HROB: variants seen among roughly 807,000 people sequenced by gnomAD.
The protein encoded by HROB is homologous recombination OB-fold protein.
A neutral mutation model predicts 61.0 loss-of-function variants in HROB; 44 were observed. That is an observed-to-expected ratio of 0.72 (90% CI 0.57 to 0.93). The LOEUF is 0.93. Ranked by LOEUF, HROB falls within the 40% of genes least tolerant of loss-of-function variation. HROB has a pLI of 0.00. For synonymous variants in HROB, 301 were observed against 310.4 expected, an observed-to-expected ratio of 0.97 and a Z score of 0.32; for missense variants, 716 against 796.2, an observed-to-expected ratio of 0.90 and a Z score of 1.21.
chr17:44,155,630 G>T (rs978717500), intron 8 of HROB, among the ~76,000 whole-genome samples: 52 of 152,300 alleles, frequency 3.4e-4, no homozygotes, highest in African/African-American at 1.2e-3. Context: ...TGGCTTCTTG[G>T]TGATCCCTGA....
At chr17:44,145,834 G>A (rs907262654) in intron 2 of HROB, among the ~76,000 whole-genome samples, 3 of 152,178 alleles carry the variant, frequency 2.0e-5, no homozygotes, top group Non-Finnish European at 4.4e-5. Flanking sequence ...CAGAATTTCT[G>A]GGAATGGCCC....
intron 5 of HROB, among the ~76,000 whole-genome samples, chr17:44,154,158 A>G (rs2053900239): frequency 6.6e-6 from 1 of 152,056 alleles, no homozygotes; most frequent in Admixed American, 6.6e-5. Flanking sequence ...CCTGGCCAAC[A>G]TGGTGAAACC....
chr17:44,161,822 G>A lies in HROB; in HGVS notation c.1880-49G>A, dbSNP rs199626437. On this transcript the variant is annotated intron_variant, in intron 9 of 9. Coordinates refer to ENST00000585683, the MANE Select transcript of HROB (RefSeq NM_001171251.3). The stretch of plus-strand genomic sequence containing the variant: ...CAGAAACTTTGGACCTGAGTCACAT[G>A]GAATGCTGATGTTGTCACTAAGGCT... 4.3e-5 allele frequency: 68 copies of A among 1,590,130 alleles called. No homozygotes were observed. In the East Asian group the frequency reaches 1.5e-3, roughly 36 times the overall value.
intron 8 of HROB, among the ~76,000 whole-genome samples, chr17:44,156,212 T>G (rs2053964688): frequency 6.6e-6 from 1 of 152,060 alleles, no homozygotes; most frequent in Non-Finnish European, 1.5e-5. Flanking sequence ...ATCACCCCAC[T>G]TCTAAACCCT....
intron 3 of HROB, among the ~76,000 whole-genome samples, chr17:44,149,963 C>T (rs1307037162): frequency 6.6e-6 from 1 of 152,104 alleles, no homozygotes; most frequent in Non-Finnish European, 1.5e-5. Context: ...TGTGGCGGAG[C>T]GGGCGCTGTG....
intron 9 of HROB, among the ~76,000 whole-genome samples, chr17:44,158,388 A>G (rs2054033024): frequency 6.6e-6 from 1 of 152,220 alleles, no homozygotes; most frequent in African/African-American, 2.4e-5. Flanking sequence ...AGAGGCCCAA[A>G]TGCAGACCCC....
intron 5 of HROB, 114 bp downstream of exon 5, chr17:44,152,891 A>G: frequency 7.6e-7 from 1 of 1,314,792 alleles, no homozygotes; most frequent in Non-Finnish European, 1.0e-6. Flanking sequence ...ACCCTATACA[A>G]GTAGCAGCAC....
At chr17:44,145,113 G>T in intron 1 of HROB, 90 bp from the exon 2 acceptor site, 1 of 1,353,978 alleles carries the variant, frequency 7.4e-7, no homozygotes, top group Admixed American at 1.7e-5. Flanking sequence ...ATACCTGATG[G>T]TATTGTTAGT....
intron 2 of HROB, 25 bp downstream of exon 2, chr17:44,145,278 G>A (rs776306997): frequency 2.5e-6 from 4 of 1,613,212 alleles, no homozygotes; most frequent in Non-Finnish European, 3.4e-6. Flanking sequence ...ATGATCAGAG[G>A]TGGCAGACGA....
Position 44,149,020 on chromosome 17 carries a change from C to T in HROB, c.1217C>T (p.Pro406Leu). 1 of 1,613,212 alleles carries T rather than the reference C, an allele frequency of 6.2e-7. No individual in the cohort carries two copies. The highest frequency in any genetic ancestry group is 8.5e-7 in the Non-Finnish European group (1 of 1,179,438). ...RRFPGPAGIL[P>L]HQQSGRSLED... ...TTCCCTGGCCCAGCTGGGATCCTGC[C>T]TCACCAGGTGAGTGAGCTGGCTTTC... The change falls in exon 3 of 10, where the codon CCT becomes CTT. Residue 406 changes from proline to leucine, a missense_variant. Transcript: ENST00000585683.
Position 44,148,943 on chromosome 17 carries a change from C to T in HROB, c.1140C>T (p.Ser380=), listed in dbSNP as rs761458669. ...NHLVQLVTAA[S]RTPQQPTHPS... is the part of the protein sequence containing the mutation. ...TGGTGCAGCTAGTCACTGCTGCCAG[C>T]CGGACACCCCAGCAGCCCACCCATC... Residue 380 remains serine (S), a synonymous_variant, in exon 3 of 10, where the codon AGC becomes AGT. Transcript: ENST00000585683. 53 of 1,614,014 alleles carry T rather than the reference C, an allele frequency of 3.3e-5. No individual in the cohort carries two copies. The South Asian group carries it at 5.5e-4, about 17-fold the overall frequency.
In HROB at chr17:44,149,012, G is replaced by A; in HGVS notation, c.1209G>A (p.Gly403=). ...CTCGCCGTTTCCCTGGCCCAGCTGG[G>A]ATCCTGCCTCACCAGGTGAGTGAGC... The part of the protein sequence containing the change: ...AKTRRFPGPA[G]ILPHQQSGRS... The change falls in exon 3 of 10, where the codon GGG becomes GGA. Residue 403 remains glycine (G), a synonymous_variant. Coordinates refer to ENST00000585683, the MANE Select transcript of HROB (RefSeq NM_001171251.3). 6.2e-7 allele frequency: 1 copy of A among 1,613,658 alleles called. No homozygotes were observed. Among genetic ancestry groups the A allele is most frequent in the South Asian group, 1.1e-5 (1 of 91,040 alleles).
At position 44,142,069 on chromosome 17, in the gene HROB, G is replaced by A. The variant is rs116188318; in HGVS notation, c.-74G>A. Reference sequence around the variant, plus strand: ...AGTCCGAGACTTCCACCTGGGTCGTGTCCAAGGCCCCGGCGACTCCCCGGA... The same window carrying A: ...AGTCCGAGACTTCCACCTGGGTCGTATCCAAGGCCCCGGCGACTCCCCGGA... On this transcript the variant is annotated 5_prime_UTR_variant, in exon 1 of 10. Coordinates refer to ENST00000585683, the MANE Select transcript of HROB (RefSeq NM_001171251.3). The A allele has an allele frequency of 8.1e-4, 1,242 of 1,524,202 alleles. 9 individuals are homozygous for A. In the African/African-American group the frequency reaches 0.016, roughly 20 times the overall value. 94.4% of individuals were successfully genotyped at this position (1,524,202 alleles called of 1,614,324 possible).
chr17:44,159,154 T>C (rs2054057743), intron 9 of HROB, among the ~76,000 whole-genome samples: 1 of 152,182 alleles, frequency 6.6e-6, no homozygotes, highest in African/African-American at 2.4e-5. Flanking sequence ...CAGGATTATA[T>C]GTGGGCAGAA....
intron 1 of HROB, 87 bp from the exon 2 acceptor site, chr17:44,145,116 T>C: frequency 7.3e-7 from 1 of 1,376,104 alleles, no homozygotes; most frequent in Non-Finnish European, 1.0e-6. Context: ...CCTGATGGTA[T>C]TGTTAGTGCT....
At chr17:44,161,247 C>G (rs189025906) in intron 9 of HROB, among the ~76,000 whole-genome samples, 1 of 151,032 alleles carries the variant, frequency 6.6e-6, no homozygotes, top group African/African-American at 2.4e-5. Flanking sequence ...GGGTTGATAA[C>G]AGGAGCTAAC....
rs1555558320 is a variant in HROB, at chr17:44,147,048, T to TGAGA, written c.55-797_55-794dup. 3.8e-3 allele frequency among the ~76,000 whole-genome samples: 563 copies of TGAGA among 149,300 alleles called. 3 individuals are homozygous for TGAGA. The highest frequency in any genetic ancestry group is 0.012 in the African/African-American group (487 of 40,312). On this transcript the variant is annotated intron_variant, in intron 2 of 9. Transcript: ENST00000585683. ...TGTGTAGTGTGTGTGTGTGTGTGTG[T>TGAGA]GAGAGAGAGAGAGAGAAAGAGAGCA...
In HROB at chr17:44,146,810, G is replaced by A. The variant is rs1338415946; in HGVS notation, c.55-1048G>A. Among the ~76,000 whole-genome samples, 8 of 152,110 alleles carry A rather than the reference G, an allele frequency of 5.3e-5. No individual in the cohort carries two copies. In the East Asian group the frequency reaches 1.5e-3, roughly 29 times the overall value. ...AGACAATCCAGTGCAGTAGCAGAGG[G>A]TGGGGGTGGTGGGGACCCTCCTGTC... On this transcript the variant is annotated intron_variant, in intron 2 of 9. Transcript: ENST00000585683.
At position 44,142,609 on chromosome 17, in the gene HROB, G is replaced by A. The variant is rs1438247623; in HGVS notation, c.3+464G>A. Among the ~76,000 whole-genome samples, 3 of 151,546 alleles carry A rather than the reference G, an allele frequency of 2.0e-5. No homozygotes were observed. In the East Asian group the frequency reaches 5.9e-4, roughly 30 times the overall value. On this transcript the variant is annotated intron_variant, in intron 1 of 9. Transcript: ENST00000585683. ...TAGAGTCTTGGGAACTGTATCGCCA[G>A]CTGTAGCTCCTGCGGCTCTGGCATC...
Sources: allele counts gnomAD v4.1 joint callset (sites outside exome capture counted in the v4.1 genomes callset), GRCh38; gene constraint gnomAD v4.1.1; transcripts MANE v1.5; gene names NCBI Gene and HGNC (gene_info 2026-07-23, HGNC 2026-07-21).